The following NAALADL2 variants were observed in gnomAD, a reference collection of about 807,000 sequenced individuals.
NAALADL2 encodes N-acetylated alpha-linked acidic dipeptidase like 2.
NAALADL2 carries 76 observed loss-of-function variants against 87.2 expected under a neutral mutation model. The ratio of observed to expected loss-of-function variants is 0.87; its 90% CI spans 0.72 to 1.05. The LOEUF (loss-of-function observed/expected upper bound fraction) is 1.05. NAALADL2 is among the 50% of genes least tolerant of loss of function. The pLI is 0.00. For synonymous variants in NAALADL2, 354 were observed against 331.0 expected, an observed-to-expected ratio of 1.07 and a Z score of -0.75; for missense variants, 1,089 against 945.8, an observed-to-expected ratio of 1.15 and a Z score of -1.99.
At chr3:175,317,599 T>G (rs185559634) in intron 4 of NAALADL2, among the ~76,000 whole-genome samples, 134 of 152,124 alleles carry the variant, frequency 8.8e-4, no homozygotes, top group Middle Eastern at 3.4e-3. Context: ...TGTTTTACTT[T>G]CAAAAAAGTG....
chr3:175,477,799 TTTG>T (rs68001668), intron 9 of NAALADL2, among the ~76,000 whole-genome samples: 91,005 of 151,558 alleles, frequency 0.6, 29,348 homozygotes, highest in East Asian at 0.89. Context: ...TTCAAGGGTT[TTTG>T]TTGTTGTTGC....
At chr3:174,599,962 A>G (rs976222604) in intron 2 of NAALADL2, among the ~76,000 whole-genome samples, 12 of 152,130 alleles carry the variant, frequency 7.9e-5, no homozygotes, top group Admixed American at 6.6e-5. Context: ...TACAAGGTTG[A>G]GCATTAGACT....
chr3:175,700,305 T>C (rs1738812557), intron 11 of NAALADL2, among the ~76,000 whole-genome samples: 1 of 152,158 alleles, frequency 6.6e-6, no homozygotes, highest in African/African-American at 2.4e-5. Context: ...GTCATGAGGC[T>C]GATAGGATAT....
intron 10 of NAALADL2, among the ~76,000 whole-genome samples, chr3:175,620,823 G>A (rs1356310025): frequency 6.6e-6 from 1 of 152,182 alleles, no homozygotes; most frequent in Non-Finnish European, 1.5e-5. Context: ...GAGAAATGAG[G>A]TATGCGGACA....
intron 2 of NAALADL2, among the ~76,000 whole-genome samples, chr3:175,118,727 A>T (rs565617977): frequency 1.3e-5 from 2 of 151,964 alleles, no homozygotes; most frequent in African/African-American, 4.8e-5. Context: ...AGAATAGATT[A>T]TAGTTCTGCA....
Position 175,097,115 on chromosome 3 carries a change from C to T in NAALADL2, c.369C>T (p.Cys123=), listed in dbSNP as rs1219471285. The change falls in exon 2 of 14, where the codon TGC becomes TGT. Residue 123 remains cysteine (C), a synonymous_variant. Transcript: ENST00000454872. ...SAPKSNRCNF[C]HVLKILCTAT... Reference sequence around the variant, plus strand: ...CAAAGAGCAATCGCTGCAACTTTTGCCACGTCTTAAAAATACTTTGCACAG... The same window carrying T: ...CAAAGAGCAATCGCTGCAACTTTTGTCACGTCTTAAAAATACTTTGCACAG... 1.2e-6 allele frequency: 2 copies of T among 1,613,736 alleles called. No individual in the cohort carries two copies. Among genetic ancestry groups the T allele is most frequent in the East Asian group, 2.2e-5 (1 of 44,870 alleles).
chr3:175,477,385 A>G (rs1725843140), intron 9 of NAALADL2, among the ~76,000 whole-genome samples: 1 of 152,152 alleles, frequency 6.6e-6, no homozygotes, highest in Non-Finnish European at 1.5e-5. Flanking sequence ...GAATGATGAT[A>G]TTTAGCATAT....
intron 11 of NAALADL2, among the ~76,000 whole-genome samples, chr3:175,700,294 T>G (rs182715931): frequency 1.3e-5 from 2 of 152,248 alleles, no homozygotes; most frequent in East Asian, 1.9e-4. Flanking sequence ...GGATCAATAT[T>G]GTCATGAGGC....
intron 1 of NAALADL2, among the ~76,000 whole-genome samples, chr3:175,031,798 A>T (rs1168222123): frequency 6.6e-6 from 1 of 151,932 alleles, no homozygotes; most frequent in Admixed American, 6.6e-5. Flanking sequence ...TTACTTTTTA[A>T]TAATAACCAT....
intron 13 of NAALADL2, among the ~76,000 whole-genome samples, chr3:175,787,487 G>C (rs1034614516): frequency 1.3e-5 from 2 of 152,164 alleles, no homozygotes; most frequent in African/African-American, 4.8e-5. Flanking sequence ...AGGTGCGTCC[G>C]TCACCCCTTT....
At chr3:175,441,308 A>G (rs938627501) in intron 5 of NAALADL2, among the ~76,000 whole-genome samples, 11 of 152,156 alleles carry the variant, frequency 7.2e-5, no homozygotes, top group African/African-American at 2.2e-4. Context: ...TATTATAAGT[A>G]ATTTAGAAAT....
intron 2 of NAALADL2, among the ~76,000 whole-genome samples, chr3:174,594,233 C>T (rs972672140): frequency 6.6e-6 from 1 of 152,088 alleles, no homozygotes; most frequent in Non-Finnish European, 1.5e-5. Flanking sequence ...AAACTTTAAT[C>T]CATGACAGGA....
At chr3:174,964,336 C>G (rs536039505) in intron 1 of NAALADL2, among the ~76,000 whole-genome samples, 1 of 152,054 alleles carries the variant, frequency 6.6e-6, no homozygotes, top group African/African-American at 2.4e-5. Context: ...AGAAGCCTAA[C>G]AGATATCTAC....
intron 2 of NAALADL2, among the ~76,000 whole-genome samples, chr3:174,710,230 C>CTTTTTTTTTTTTTTTCTTTTTCTTTTCTT (rs57899491): frequency 1.5e-5 from 2 of 136,350 alleles, no homozygotes; most frequent in Non-Finnish European, 3.1e-5. Flanking sequence ...TATGAGCCTC[C>CTTTTTTTTTTTTTTTCTTTTTCTTTTCTT]TTTTTTTTTT....
At chr3:175,730,417 T>C (rs866903703) in intron 11 of NAALADL2, among the ~76,000 whole-genome samples, 1 of 96,610 alleles carries the variant, frequency 1.0e-5, no homozygotes, top group South Asian at 2.9e-4. Flanking sequence ...TATATATATA[T>C]ATATATATAT....
At chr3:174,942,108 T>G (rs1422122904) in intron 1 of NAALADL2, among the ~76,000 whole-genome samples, 1 of 151,948 alleles carries the variant, frequency 6.6e-6, no homozygotes, top group African/African-American at 2.4e-5. Flanking sequence ...TCTGTGTGTT[T>G]ATGCAAGTTT....
At chr3:174,707,458 A>G (rs1730195314) in intron 2 of NAALADL2, among the ~76,000 whole-genome samples, 1 of 152,108 alleles carries the variant, frequency 6.6e-6, no homozygotes, top group Admixed American at 6.5e-5. Context: ...ATGGAATACT[A>G]TGCAGCCATA....
chr3:175,318,735 A>C (rs1759470348), intron 4 of NAALADL2, among the ~76,000 whole-genome samples: 1 of 152,182 alleles, frequency 6.6e-6, no homozygotes. Context: ...TACAATCAAG[A>C]TACAGAATAT....
intron 5 of NAALADL2, among the ~76,000 whole-genome samples, chr3:175,422,406 G>A (rs1186060612): frequency 4.6e-5 from 7 of 152,034 alleles, no homozygotes; most frequent in African/African-American, 1.7e-4. Flanking sequence ...GCATATCTAA[G>A]ATGGATTAAA....
Sources: allele counts gnomAD v4.1 joint callset (sites outside exome capture counted in the v4.1 genomes callset), GRCh38; gene constraint gnomAD v4.1.1; transcripts MANE v1.5; gene names NCBI Gene and HGNC (gene_info 2026-07-23, HGNC 2026-07-21).